Variants in ICA1 observed in about 807,000 individuals in gnomAD.
The protein encoded by ICA1 is 69 kDa islet cell autoantigen.
In ICA1, 40 loss-of-function variants were observed where a neutral mutation model predicts 71.0. That is an observed-to-expected ratio of 0.56 (90% CI 0.44 to 0.73). ICA1 has a LOEUF of 0.73. Ranked by LOEUF, ICA1 falls within the 30% of genes least tolerant of loss-of-function variation. The probability of loss-of-function intolerance (pLI) is 0.00; values close to 1 mark genes in which losing one functional copy is unlikely to be tolerated. For missense variants in ICA1, 578 were observed against 576.5 expected, an observed-to-expected ratio of 1.00 and a Z score of -0.03; for synonymous variants, 207 against 209.5, an observed-to-expected ratio of 0.99 and a Z score of 0.10.
intron 6 of ICA1, among the ~76,000 whole-genome samples, chr7:8,181,485 T>C (rs552987694): frequency 7.2e-5 from 11 of 152,292 alleles, no homozygotes; most frequent in African/African-American, 1.9e-4. Flanking sequence ...TCTATATAAG[T>C]TTATAGTCAT....
chr7:8,236,159 A>G (rs17145942), intron 1 of ICA1, among the ~76,000 whole-genome samples, 154 bp from the exon 2 acceptor site: 4,435 of 152,356 alleles, frequency 0.029, 108 homozygotes, highest in Admixed American at 0.072. Context: ...TGATGACAAC[A>G]ATATAGCTAA....
At chr7:8,146,460 G>A (rs1173596834) in intron 8 of ICA1, among the ~76,000 whole-genome samples, 3 of 152,124 alleles carry the variant, frequency 2.0e-5, no homozygotes, top group Non-Finnish European at 4.4e-5. Flanking sequence ...GGGGTCACAT[G>A]GGGAGAACAT....
At chr7:8,118,452 T>G (rs757835757) in intron 13 of ICA1, among the ~76,000 whole-genome samples, 1 of 152,216 alleles carries the variant, frequency 6.6e-6, no homozygotes, top group Non-Finnish European at 1.5e-5. Context: ...CCCGAAATCC[T>G]TGAGCTGTTC....
At chr7:8,255,615 G>A (rs1379235079) in intron 1 of ICA1, among the ~76,000 whole-genome samples, 1 of 152,038 alleles carries the variant, frequency 6.6e-6, no homozygotes, top group Admixed American at 6.5e-5. Context: ...CCTCCAGATG[G>A]TAATCTTCAC....
At chr7:8,237,520 T>C (rs903081661) in intron 1 of ICA1, among the ~76,000 whole-genome samples, 3 of 152,206 alleles carry the variant, frequency 2.0e-5, no homozygotes, top group Non-Finnish European at 4.4e-5. Flanking sequence ...ATATACACTT[T>C]GTTGTACAAC....
At position 8,144,738 on chromosome 7, in the gene ICA1, C is replaced by T. The variant is rs1158951993; in HGVS notation, c.805-766G>A. ...TTCTAGAACTGAATAATGATTTATA[C>T]AAAAAGATCTCTATTTCTGGCCCTA... On this transcript the variant is annotated intron_variant, in intron 8 of 13. Transcript: ENST00000402384. The surrounding 1 kb of genome is among the most constrained non-coding windows in gnomAD (Gnocchi z 4.5). Among the ~76,000 whole-genome samples the T allele has an allele frequency of 6.6e-6, 1 of 151,904 alleles. No homozygotes were observed. The highest frequency in any genetic ancestry group is 1.5e-5 in the Non-Finnish European group (1 of 67,984).
At chr7:8,165,949 C>G (rs1250810657) in intron 6 of ICA1, among the ~76,000 whole-genome samples, 1 of 152,170 alleles carries the variant, frequency 6.6e-6, no homozygotes, top group Non-Finnish European at 1.5e-5. Context: ...CTGCCCAAAG[C>G]AATCACAGGT....
At chr7:8,183,085 A>G (rs984969913) in intron 6 of ICA1, among the ~76,000 whole-genome samples, 7 of 152,228 alleles carry the variant, frequency 4.6e-5, no homozygotes, top group Non-Finnish European at 8.8e-5. Flanking sequence ...AGAAATAAAC[A>G]TAAGAGAAGA....
chr7:8,154,872 G>A (rs577385984), intron 8 of ICA1, among the ~76,000 whole-genome samples: 4 of 152,126 alleles, frequency 2.6e-5, no homozygotes, highest in Admixed American at 2.0e-4. Flanking sequence ...TACTTATATC[G>A]ATCTAATAGT....
chr7:8,154,032 G>C (rs1398392096), intron 8 of ICA1, among the ~76,000 whole-genome samples: 2 of 151,400 alleles, frequency 1.3e-5, no homozygotes, highest in African/African-American at 4.9e-5. Context: ...AAACTATAAA[G>C]TTAAAATGCT....
At chr7:8,225,744 A>C (rs6463784) in intron 4 of ICA1, among the ~76,000 whole-genome samples, 27,979 of 152,184 alleles carry the variant, frequency 0.18, 6,795 homozygotes, top group African/African-American at 0.56. Context: ...ACCTTTGATG[A>C]CAGTGCAACA....
intron 6 of ICA1, among the ~76,000 whole-genome samples, chr7:8,195,262 G>A (rs1787054564): frequency 6.6e-6 from 1 of 152,236 alleles, no homozygotes; most frequent in Admixed American, 6.5e-5. Flanking sequence ...GCTGGGTGCG[G>A]TGGCCCACGC....
chr7:8,158,228 C>G (rs4725073), intron 7 of ICA1: 330,704 of 334,848 alleles, frequency 0.99, 163,316 homozygotes, highest in Middle Eastern at 1. Flanking sequence ...CATTCTGTCT[C>G]GTACATTAAA....
At position 8,157,195 on chromosome 7, in the gene ICA1, C is replaced by T. The variant is rs1211426484; in HGVS notation, c.725G>A (p.Trp242Ter). The T allele has an allele frequency of 6.2e-7, 1 of 1,604,656 alleles. No individual in the cohort carries two copies. The highest frequency in any genetic ancestry group is 1.1e-5 in the South Asian group (1 of 89,116). ...TGCCATAGTGTGAGAAGTTTTCTCC[C>T]AAAAATGAAGCAGAGTGGTCTGCAA... ...ATYQTTLLHF[W>*]EKTSHTMAAI... Residue 242 changes from tryptophan (W) to a stop codon, truncating the protein, a stop_gained, in exon 8 of 14, where the codon TGG (tryptophan) becomes TAG (stop). Coordinates refer to ENST00000402384, the MANE Select transcript of ICA1 (RefSeq NM_001136020.3). LOFTEE classifies it high-confidence loss of function.
rs938241533 is a variant in ICA1 at position 8,113,806 on chromosome 7, A to C, written c.*117T>G. On this transcript the variant is annotated 3_prime_UTR_variant, in exon 14 of 14. Transcript: ENST00000402384. The surrounding 1 kb of genome is among the most constrained non-coding windows in gnomAD (Gnocchi z 4.2). ...TATAAACAGGGCCGTTGACCCTTTC[A>C]TTTTATTAAAATGGCACATAATTAT... 4.3e-6 allele frequency: 5 copies of C among 1,151,060 alleles called. No homozygotes were observed. Among genetic ancestry groups the C allele is most frequent in the South Asian group, 4.1e-5 (3 of 73,716 alleles). 71.3% of individuals were successfully genotyped at this position (1,151,060 alleles called of 1,614,324 possible). A position where few individuals can be genotyped will look rare whatever the true frequency, so the allele number is the denominator to read the frequency against.
At chr7:8,215,888 A>T (rs953048318) in intron 6 of ICA1, among the ~76,000 whole-genome samples, 1 of 152,198 alleles carries the variant, frequency 6.6e-6, no homozygotes, top group Non-Finnish European at 1.5e-5. Flanking sequence ...TGACTCAGAA[A>T]CACGTTTAGG....
chr7:8,137,635 T>C (rs1397602522), intron 12 of ICA1, among the ~76,000 whole-genome samples: 1 of 152,242 alleles, frequency 6.6e-6, no homozygotes, highest in Non-Finnish European at 1.5e-5. Flanking sequence ...CACTACCTGG[T>C]ATGATTTCAA....
intron 3 of ICA1, among the ~76,000 whole-genome samples, chr7:8,229,486 A>G (rs574948039): frequency 2.1e-4 from 32 of 152,338 alleles, no homozygotes; most frequent in Admixed American, 5.9e-4. Flanking sequence ...TATGGTATCA[A>G]TGAGAAAACC....
At chr7:8,138,497 C>G (rs1424338247) in intron 12 of ICA1, among the ~76,000 whole-genome samples, 1 of 152,138 alleles carries the variant, frequency 6.6e-6, no homozygotes, top group Non-Finnish European at 1.5e-5. Flanking sequence ...AAGTATGAAG[C>G]AAATCACTTA....
Sources: allele counts gnomAD v4.1 joint callset (sites outside exome capture counted in the v4.1 genomes callset), GRCh38; gene constraint gnomAD v4.1.1; non-coding constraint Gnocchi (gnomAD v3.1); transcripts MANE v1.5; gene names NCBI Gene and HGNC (gene_info 2026-07-23, HGNC 2026-07-21).